PLCH1: variants seen among roughly 807,000 people sequenced by gnomAD.
PLCH1 encodes the protein phospholipase C eta 1, also known as 1-phosphatidylinositol 4,5-bisphosphate phosphodiesterase eta-1.
In PLCH1, 60 loss-of-function variants were observed where a neutral mutation model predicts 126.7. The ratio of observed to expected loss-of-function variants is 0.47; its 90% CI spans 0.38 to 0.59. The LOEUF (loss-of-function observed/expected upper bound fraction) is 0.59, where lower values mean the gene tolerates loss of function less well. Ranked by LOEUF, PLCH1 falls within the 20% of genes least tolerant of loss-of-function variation. The pLI is 0.00. For synonymous variants in PLCH1, 719 were observed against 734.9 expected (o/e 0.98, Z 0.35); for missense variants, 1,723 against 2,040.0 (o/e 0.84, Z 2.99).
chr3:155,699,934 A>G (rs761769294), intron 2 of PLCH1, among the ~76,000 whole-genome samples: 5 of 152,278 alleles, frequency 3.3e-5, no homozygotes, highest in Non-Finnish European at 7.4e-5. Flanking sequence ...AAGAAATCTT[A>G]TCTTCTCTTC....
At position 155,501,749 on chromosome 3, in the gene PLCH1, C is replaced by G. The variant is rs148855117; in HGVS notation, c.1705-955G>C. ...GGTGGAGGTTGCAGCGAGCCGAGATCCCACCATTGTACTCCAGCCTGGACA... is the reference window on the plus strand; with the variant it reads ...GGTGGAGGTTGCAGCGAGCCGAGATGCCACCATTGTACTCCAGCCTGGACA... On this transcript the variant is annotated intron_variant, in intron 13 of 22. Transcript: ENST00000460012. Among the ~76,000 whole-genome samples the G allele has an allele frequency of 3.1e-3, 473 of 151,384 alleles. 1 individual carries two copies. The highest frequency in any genetic ancestry group is 0.011 in the African/African-American group (451 of 41,184).
At chr3:155,683,012 C>T (rs541378560) in intron 2 of PLCH1, among the ~76,000 whole-genome samples, 2 of 152,310 alleles carry the variant, frequency 1.3e-5, no homozygotes, top group South Asian at 4.1e-4. Flanking sequence ...AGAACATGTC[C>T]TATAGATCAC....
chr3:155,641,518 T>C (rs544874647), intron 2 of PLCH1, among the ~76,000 whole-genome samples: 68 of 152,126 alleles, frequency 4.5e-4, no homozygotes, highest in African/African-American at 1.6e-3. Flanking sequence ...ATAAGAAATA[T>C]TAAAGGGAGT....
intron 13 of PLCH1, among the ~76,000 whole-genome samples, chr3:155,504,025 C>T (rs1329301036): frequency 6.6e-6 from 1 of 152,200 alleles, no homozygotes; most frequent in Non-Finnish European, 1.5e-5. Flanking sequence ...TTTAATGTTA[C>T]CTGTTGTGGC....
At chr3:155,633,346 CA>C (rs367695398) in intron 2 of PLCH1, among the ~76,000 whole-genome samples, 115 of 133,438 alleles carry the variant, frequency 8.6e-4, no homozygotes, top group Non-Finnish European at 1.0e-3. Flanking sequence ...TAGTTTTCTT[CA>C]AAAAAAAAAA....
intron 3 of PLCH1, among the ~76,000 whole-genome samples, chr3:155,594,514 A>C (rs1179373715): frequency 1.3e-5 from 2 of 152,174 alleles, no homozygotes; most frequent in Non-Finnish European, 2.9e-5. Flanking sequence ...CGGAGGTTGC[A>C]GTGAGCCAAG....
intron 21 of PLCH1, among the ~76,000 whole-genome samples, chr3:155,458,090 C>T (rs1396534648): frequency 6.6e-6 from 1 of 152,010 alleles, no homozygotes; most frequent in East Asian, 1.9e-4. Context: ...GCCTGTAGTC[C>T]CGGCACTCTG....
intron 12 of PLCH1, among the ~76,000 whole-genome samples, chr3:155,512,803 G>A (rs915384826): frequency 6.6e-6 from 1 of 152,202 alleles, no homozygotes; most frequent in African/African-American, 2.4e-5. Context: ...GATGGTTGAA[G>A]ACAGGAGAGT....
chr3:155,680,216 C>G (rs1277203839), intron 2 of PLCH1, among the ~76,000 whole-genome samples: 2 of 152,140 alleles, frequency 1.3e-5, no homozygotes, highest in East Asian at 3.9e-4. Context: ...AACCCCATCT[C>G]TACTAAAAAT....
intron 2 of PLCH1, among the ~76,000 whole-genome samples, chr3:155,620,136 A>G (rs960609249): frequency 6.6e-6 from 1 of 152,262 alleles, no homozygotes; most frequent in Non-Finnish European, 1.5e-5. Flanking sequence ...CTAAATATGG[A>G]AGATGAAAAA....
intron 2 of PLCH1, among the ~76,000 whole-genome samples, chr3:155,678,953 T>A (rs1317758857): frequency 6.6e-6 from 1 of 152,220 alleles, no homozygotes; most frequent in Non-Finnish European, 1.5e-5. Context: ...ACTTTACACC[T>A]CATCTGACAG....
At position 155,485,457 on chromosome 3, in the gene PLCH1, G is replaced by C. The variant is rs1331183840; in HGVS notation, c.2873C>G (p.Ala958Gly). Residue 958 changes from alanine (A) to glycine (G), a missense_variant, in exon 22 of 23, where the codon GCA becomes GGA. Transcript: ENST00000460012. ...VLRRTTRSLQARPVSMPVDRN... is the reference protein window; with the variant it reads ...VLRRTTRSLQGRPVSMPVDRN... ...GTCAACAGGCATAGAGACAGGGCGTGCTTGCAAACTGCGTGTGGTCCTCCT... is the reference window on the plus strand; with the variant it reads ...GTCAACAGGCATAGAGACAGGGCGTCCTTGCAAACTGCGTGTGGTCCTCCT... 6.8e-6 allele frequency: 11 copies of C among 1,613,990 alleles called. No homozygotes were observed. The Admixed American group carries it at 1.7e-4, about 24-fold the overall frequency.
chr3:155,459,882 C>A (rs986126213), intron 21 of PLCH1, among the ~76,000 whole-genome samples: 1 of 152,182 alleles, frequency 6.6e-6, no homozygotes, highest in African/African-American at 2.4e-5. Context: ...AGACAAGCAG[C>A]CATCTACAGC....
At chr3:155,617,197 G>T (rs553282877) in intron 2 of PLCH1, among the ~76,000 whole-genome samples, 26 of 152,020 alleles carry the variant, frequency 1.7e-4, no homozygotes, top group African/African-American at 6.0e-4. Context: ...TAAGACTTTT[G>T]TCATCCACAG....
intron 4 of PLCH1, among the ~76,000 whole-genome samples, chr3:155,590,193 C>A (rs1213556170): frequency 6.6e-6 from 1 of 152,158 alleles, no homozygotes; most frequent in Non-Finnish European, 1.5e-5. Flanking sequence ...ATTTTCAGTC[C>A]TAAGTGAAAT....
intron 2 of PLCH1, among the ~76,000 whole-genome samples, chr3:155,683,404 A>G (rs951338247): frequency 3.3e-5 from 5 of 152,206 alleles, no homozygotes; most frequent in Non-Finnish European, 7.3e-5. Context: ...TAGACTCAGA[A>G]CTTGATTTCA....
Position 155,597,911 on chromosome 3 carries a change from C to T in PLCH1, c.80-1533G>A, listed in dbSNP as rs1169567349. Among the ~76,000 whole-genome samples, 9 of 152,110 alleles carry T rather than the reference C, an allele frequency of 5.9e-5. No homozygotes were observed. In the South Asian group the frequency reaches 1.0e-3, roughly 17 times the overall value. ...AAATATTACTTAAGAAGGCTGGGCG[C>T]GGTGGCTCATGACTGTAATCCCAGC... On this transcript the variant is annotated intron_variant, in intron 2 of 22. Transcript: ENST00000460012.
intron 2 of PLCH1, among the ~76,000 whole-genome samples, chr3:155,609,865 A>G (rs189719761): frequency 2.0e-5 from 3 of 152,212 alleles, no homozygotes; most frequent in African/African-American, 7.2e-5. Flanking sequence ...AATTTTAAAA[A>G]AGAACAAAGC....
At chr3:155,647,656 CT>C (rs1238479110) in intron 2 of PLCH1, among the ~76,000 whole-genome samples, 5 of 152,172 alleles carry the variant, frequency 3.3e-5, no homozygotes, top group Non-Finnish European at 5.9e-5. Context: ...ATACTTAATT[CT>C]GTCCTTCACC....
Sources: allele counts gnomAD v4.1 joint callset (sites outside exome capture counted in the v4.1 genomes callset), GRCh38; gene constraint gnomAD v4.1.1; transcripts MANE v1.5; gene names NCBI Gene and HGNC (gene_info 2026-07-23, HGNC 2026-07-21).